The following GALNT17 variants were observed in gnomAD, a reference collection of about 807,000 sequenced individuals.
GALNT17 encodes the protein polypeptide N-acetylgalactosaminyltransferase 17.
A neutral mutation model predicts 63.7 loss-of-function variants in GALNT17; 29 were observed. That is an observed-to-expected ratio of 0.46 (90% CI 0.34 to 0.62). The LOEUF is 0.62. Among genes scored for constraint, GALNT17 ranks in the 20% least tolerant of loss-of-function variants. The pLI, the probability that GALNT17 is intolerant of heterozygous loss-of-function variation, is 0.01. For missense variants in GALNT17, 603 were observed against 799.6 expected, an observed-to-expected ratio of 0.75 and a Z score of 2.97; for synonymous variants, 305 against 318.3, an observed-to-expected ratio of 0.96 and a Z score of 0.45.
rs1012132312 is a variant in GALNT17, at chr7:71,531,074, G to A, written c.963-40211G>A. Among the ~76,000 whole-genome samples the A allele has an allele frequency of 6.6e-5, 10 of 152,122 alleles. No individual in the cohort carries two copies. In the East Asian group the frequency reaches 1.7e-3, roughly 26 times the overall value. On this transcript the variant is annotated intron_variant, in intron 5 of 10. Coordinates refer to ENST00000333538, the MANE Select transcript of GALNT17 (RefSeq NM_022479.3). ...TATTTTAATTACTTTATATCAAAAT[G>A]TATTTTTATTAAAATATTTTTAAAC... is the stretch of plus-strand genomic sequence containing the variant.
At chr7:71,149,483 C>T (rs891345407) in intron 1 of GALNT17, among the ~76,000 whole-genome samples, 3 of 152,082 alleles carry the variant, frequency 2.0e-5, no homozygotes, top group South Asian at 2.1e-4. Context: ...GGGGGCGAAA[C>T]GTGTGCTGGG....
chr7:71,465,959 C>A (rs1787527966), intron 5 of GALNT17, among the ~76,000 whole-genome samples: 2 of 152,118 alleles, frequency 1.3e-5, no homozygotes, highest in Admixed American at 1.3e-4. Context: ...TGTTAAATAT[C>A]TCTTTTCAGA....
chr7:71,245,589 C>T (rs1469520334), intron 1 of GALNT17, among the ~76,000 whole-genome samples: 1 of 152,124 alleles, frequency 6.6e-6, no homozygotes, highest in Non-Finnish European at 1.5e-5. Flanking sequence ...TATGTGCAAC[C>T]TCTAGTTCTG....
At chr7:71,329,383 A>G (rs1415519146) in intron 1 of GALNT17, among the ~76,000 whole-genome samples, 4 of 152,170 alleles carry the variant, frequency 2.6e-5, no homozygotes, top group Non-Finnish European at 4.4e-5. Context: ...GACACATTAT[A>G]TGTATGACCT....
intron 2 of GALNT17, among the ~76,000 whole-genome samples, chr7:71,341,450 C>T (rs1792003544): frequency 6.6e-6 from 1 of 151,950 alleles, no homozygotes; most frequent in Non-Finnish European, 1.5e-5. Flanking sequence ...CACCCAGTTC[C>T]TACATAATTC....
At chr7:71,614,881 A>AAGGGAGGGAGGGAGGG (rs557178612) in intron 6 of GALNT17, among the ~76,000 whole-genome samples, 1 of 125,404 alleles carries the variant, frequency 8.0e-6, no homozygotes, top group Admixed American at 8.2e-5. Context: ...ACAGGGAGGG[A>AAGGGAGGGAGGGAGGG]AGGGAGGGAG....
intron 6 of GALNT17, among the ~76,000 whole-genome samples, chr7:71,663,016 G>A (rs1255592711): frequency 3.3e-4 from 50 of 152,192 alleles, no homozygotes; most frequent in Admixed American, 3.3e-3. Flanking sequence ...GACCATAAGT[G>A]TGAGAGTTTA....
chr7:71,610,988 C>A (rs1425232857), intron 6 of GALNT17, among the ~76,000 whole-genome samples: 254 of 126,940 alleles, frequency 2.0e-3, no homozygotes, highest in Non-Finnish European at 2.3e-3. Flanking sequence ...GACTCCATTT[C>A]AAAAAAAAAA....
intron 1 of GALNT17, among the ~76,000 whole-genome samples, chr7:71,212,792 G>T (rs1789406391): frequency 6.6e-6 from 1 of 152,106 alleles, no homozygotes; most frequent in Non-Finnish European, 1.5e-5. Flanking sequence ...TGGGCCCTGT[G>T]ACCCCTTTGT....
At chr7:71,411,851 C>G (rs1449327572) in intron 3 of GALNT17, among the ~76,000 whole-genome samples, 1 of 152,204 alleles carries the variant, frequency 6.6e-6, no homozygotes, top group Non-Finnish European at 1.5e-5. Flanking sequence ...TTTTGGAGGA[C>G]AGGGACTCTG....
At chr7:71,458,957 G>A (rs1787404395) in intron 5 of GALNT17, among the ~76,000 whole-genome samples, 1 of 152,144 alleles carries the variant, frequency 6.6e-6, no homozygotes, top group South Asian at 2.1e-4. Flanking sequence ...CCCATTTAGG[G>A]CCACAGGTTT....
intron 9 of GALNT17, among the ~76,000 whole-genome samples, chr7:71,678,545 C>T (rs1462810553): frequency 1.3e-5 from 2 of 151,952 alleles, no homozygotes; most frequent in Non-Finnish European, 2.9e-5. Flanking sequence ...CGCCTGTAAT[C>T]CCAGTGCTAT....
At chr7:71,314,921 A>G (rs749029986) in intron 1 of GALNT17, among the ~76,000 whole-genome samples, 1 of 152,180 alleles carries the variant, frequency 6.6e-6, no homozygotes, top group Non-Finnish European at 1.5e-5. Flanking sequence ...CCTGTCTGCA[A>G]CAAAAACAAC....
intron 1 of GALNT17, among the ~76,000 whole-genome samples, chr7:71,182,171 A>C (rs2116315901): frequency 6.6e-6 from 1 of 152,156 alleles, no homozygotes; most frequent in African/African-American, 2.4e-5. Flanking sequence ...GCGAAACTCC[A>C]TCTAAAAAAA....
intron 2 of GALNT17, among the ~76,000 whole-genome samples, chr7:71,341,507 A>C (rs1178303746): frequency 6.6e-6 from 1 of 152,228 alleles, no homozygotes; most frequent in East Asian, 1.9e-4. Context: ...GTAAATTTAA[A>C]ATTTCAAAAC....
At chr7:71,470,527 C>A (rs1192840091) in intron 5 of GALNT17, among the ~76,000 whole-genome samples, 1 of 152,024 alleles carries the variant, frequency 6.6e-6, no homozygotes, top group Admixed American at 6.6e-5. Context: ...AGGAAAAACT[C>A]TTTGTAAACT....
chr7:71,548,801 A>G (rs1789028701), intron 5 of GALNT17, among the ~76,000 whole-genome samples: 1 of 152,254 alleles, frequency 6.6e-6, no homozygotes, highest in South Asian at 2.1e-4. Context: ...GGACACCTCC[A>G]GAAAGGAATG....
intron 5 of GALNT17, among the ~76,000 whole-genome samples, chr7:71,445,433 G>A (rs1787144719): frequency 6.6e-6 from 1 of 151,784 alleles, no homozygotes; most frequent in African/African-American, 2.4e-5. Flanking sequence ...CTGACCTCAG[G>A]TGATTCACCC....
At chr7:71,679,447 A>G (rs560774217) in intron 9 of GALNT17, among the ~76,000 whole-genome samples, 1 of 152,198 alleles carries the variant, frequency 6.6e-6, no homozygotes, top group South Asian at 2.1e-4. Flanking sequence ...CACTCAACTA[A>G]TATGTCTTGA....
Sources: allele counts gnomAD v4.1 joint callset (sites outside exome capture counted in the v4.1 genomes callset), GRCh38; gene constraint gnomAD v4.1.1; transcripts MANE v1.5; gene names NCBI Gene and HGNC (gene_info 2026-07-23, HGNC 2026-07-21).